Variants in A2M observed in about 807,000 individuals in gnomAD.
The protein encoded by A2M is C3 and PZP-like alpha-2-macroglobulin domain-containing protein 5.
Under a neutral mutation model 183.9 loss-of-function variants are expected in A2M, and 128 were observed. The ratio of observed to expected loss-of-function variants is 0.70; its 90% CI spans 0.60 to 0.81. The LOEUF (loss-of-function observed/expected upper bound fraction) is 0.81, where lower values mean the gene tolerates loss of function less well. Ranked by LOEUF, A2M falls within the 30% of genes least tolerant of loss-of-function variation. The pLI is 0.00. For missense variants in A2M, 1,495 were observed against 1,787.6 expected, an observed-to-expected ratio of 0.84 and a Z score of 2.95; for synonymous variants, 592 against 670.8, an observed-to-expected ratio of 0.88 and a Z score of 1.81.
At chr12:9,113,277 C>A in intron 2 of A2M, 83 bp downstream of exon 2, 2 of 1,477,756 alleles carry the variant, frequency 1.4e-6, no homozygotes, top group South Asian at 1.3e-5. Context: ...ACCAACCTCC[C>A]AAAGCCTCAT....
chr12:9,089,893 TTTAC>T lies in A2M; in HGVS notation c.2718+5_2718+8del. On this transcript the variant is annotated splice_donor_5th_base_variant and intron_variant, in intron 21 of 35. Coordinates refer to ENST00000318602, the MANE Select transcript of A2M (RefSeq NM_000014.6). ...TATTGTGGACTATATATTATTTAGG[TTTAC>T]TTACTTCAACCAACAGAGGCTTGAT... 1 of 1,604,212 alleles carries T rather than the reference TTTAC, an allele frequency of 6.2e-7. No individual in the cohort carries two copies. Among genetic ancestry groups the T allele is most frequent in the Non-Finnish European group, 8.5e-7 (1 of 1,173,172 alleles).
chr12:9,104,142 A>G (rs1938101941), intron 11 of A2M, 97 bp downstream of exon 11: 4 of 1,262,716 alleles, frequency 3.2e-6, no homozygotes, highest in Non-Finnish European at 4.3e-6. Flanking sequence ...TTTTCTCTCC[A>G]TAGAACTAGA....
At chr12:9,094,290 G>C (rs890206853) in intron 17 of A2M, among the ~76,000 whole-genome samples, 8 of 140,612 alleles carry the variant, frequency 5.7e-5, no homozygotes, top group African/African-American at 2.1e-4. Context: ...TTCTATTAAG[G>C]GTGTGCTGGT....
chr12:9,099,556 A>G lies in A2M; in HGVS notation c.1559-33T>C, dbSNP rs376689482. ...ACAAAGAGAATGAGAGGAAGCCATC[A>G]TAGGTTAATGACTATTTCCATTAGT... On this transcript the variant is annotated intron_variant, in intron 13 of 35. Coordinates refer to ENST00000318602, the MANE Select transcript of A2M (RefSeq NM_000014.6). 4 of 1,587,986 alleles carry G rather than the reference A, an allele frequency of 2.5e-6. No individual in the cohort carries two copies. In the East Asian group the frequency reaches 6.8e-5, roughly 27 times the overall value.
chr12:9,092,194 C>G (rs1053290857), intron 18 of A2M, among the ~76,000 whole-genome samples: 8 of 152,106 alleles, frequency 5.3e-5, no homozygotes, highest in African/African-American at 1.9e-4. Context: ...CTTCCCCTGG[C>G]TCGCCCCACG....
intron 27 of A2M, 81 bp from the exon 28 acceptor site, chr12:9,077,017 A>G (rs1948768347): frequency 1.4e-6 from 2 of 1,386,894 alleles, no homozygotes. Context: ...GGATCACAGC[A>G]CAGAAGTTTT....
chr12:9,115,691 A>C (rs1412633262), intron 1 of A2M, 73 bp downstream of exon 1: 2 of 1,126,930 alleles, frequency 1.8e-6, no homozygotes, highest in African/African-American at 1.6e-5. Flanking sequence ...AGAAAAAGGA[A>C]TGATATAAAG....
In A2M at chr12:9,107,511, G is replaced by C; in HGVS notation, c.879+13C>G. 1 of 1,613,502 alleles carries C rather than the reference G, an allele frequency of 6.2e-7. No individual in the cohort carries two copies. Among genetic ancestry groups the C allele is most frequent in the Non-Finnish European group, 8.5e-7 (1 of 1,179,640 alleles). Reference sequence around the variant, plus strand: ...TTATCGCTATTCTCTAGAAAAAATAGTGTTCAACCTACCTGTCCACTGAAT... The same window carrying C: ...TTATCGCTATTCTCTAGAAAAAATACTGTTCAACCTACCTGTCCACTGAAT... On this transcript the variant is annotated intron_variant, in intron 8 of 35. Coordinates refer to ENST00000318602, the MANE Select transcript of A2M (RefSeq NM_000014.6).
intron 29 of A2M, 34 bp downstream of exon 29, chr12:9,074,526 A>T: frequency 6.5e-7 from 1 of 1,548,690 alleles, no homozygotes; most frequent in Non-Finnish European, 8.8e-7. Flanking sequence ...TTGCTACCTG[A>T]AGGTGAAATA....
At chr12:9,108,099 G>GTTTATTTTAT (rs150597149) in intron 7 of A2M, among the ~76,000 whole-genome samples, 1,672 of 148,368 alleles carry the variant, frequency 0.011, 13 homozygotes, top group Middle Eastern at 0.017. Flanking sequence ...AGTTTCACTT[G>GTTTATTTTAT]TTTATTTTAT....
At chr12:9,113,244 T>G in intron 2 of A2M, 116 bp downstream of exon 2, 1 of 1,052,278 alleles carries the variant, frequency 9.5e-7, no homozygotes, top group South Asian at 1.8e-5. Context: ...TTTGCTACAT[T>G]TGGATTCCTT....
rs1419260165 is a variant in A2M at position 9,101,239 on chromosome 12, G to A, written c.1495-32C>T. Reference sequence around the variant, plus strand: ...AAAAGGAAATAAAAAGAAATTAAATGTGCCAGAGAGAACACGCTTCAGTCT... The same window carrying A: ...AAAAGGAAATAAAAAGAAATTAAATATGCCAGAGAGAACACGCTTCAGTCT... On this transcript the variant is annotated intron_variant, in intron 12 of 35. Transcript: ENST00000318602. 3.9e-6 allele frequency: 6 copies of A among 1,546,866 alleles called. No homozygotes were observed. The Admixed American group carries it at 5.9e-5, about 15-fold the overall frequency.
chr12:9,113,009 G>A (rs1278849699), intron 2 of A2M, among the ~76,000 whole-genome samples: 4 of 151,822 alleles, frequency 2.6e-5, no homozygotes, highest in Admixed American at 2.6e-4. Context: ...GGAGTGATGT[G>A]TTCCTGTCAG....
At chr12:9,102,506 G>A (rs1331994895) in intron 11 of A2M, among the ~76,000 whole-genome samples, 2 of 152,090 alleles carry the variant, frequency 1.3e-5, no homozygotes, top group East Asian at 1.9e-4. Context: ...GTGAGCTACC[G>A]TGCCTGGCCT....
At chr12:9,088,706 A>G (rs1949119925) in intron 22 of A2M, among the ~76,000 whole-genome samples, 1 of 152,182 alleles carries the variant, frequency 6.6e-6, no homozygotes, top group Admixed American at 6.5e-5. Context: ...CAAATGTTTG[A>G]TAGGGCATTA....
chr12:9,091,520 G>T, intron 18 of A2M, 91 bp from the exon 19 acceptor site: 1 of 1,347,864 alleles, frequency 7.4e-7, no homozygotes, highest in South Asian at 1.4e-5. Flanking sequence ...CTACTGCCAT[G>T]ACTTAAAAAC....
Position 9,080,082 on chromosome 12 carries a change from C to T in A2M, c.2854+12G>A. 6.4e-7 allele frequency: 1 copy of T among 1,566,390 alleles called. No individual in the cohort carries two copies. The highest frequency in any genetic ancestry group is 8.7e-7 in the Non-Finnish European group (1 of 1,152,370). ...TGTTAATGCCCGGATCCACTAGGGG[C>T]TGGAGACTCACCCAAAACTGAGACA... On this transcript the variant is annotated intron_variant, in intron 23 of 35. Transcript: ENST00000318602.
chr12:9,109,471 G>A, intron 6 of A2M, 66 bp from the exon 7 acceptor site: 1 of 1,266,280 alleles, frequency 7.9e-7, no homozygotes, highest in East Asian at 2.4e-5. Flanking sequence ...CTATTTTCAG[G>A]TTCCCTGTAA....
chr12:9,075,091 T>C (rs1385893060), intron 28 of A2M, among the ~76,000 whole-genome samples: 1 of 152,244 alleles, frequency 6.6e-6, no homozygotes, highest in Admixed American at 6.5e-5. Flanking sequence ...CTATTTATGA[T>C]GTTATATTAG....
Sources: gnomAD v4.1 joint callset for allele counts (sites outside exome capture counted in the v4.1 genomes callset) on GRCh38, gnomAD v4.1.1 for gene constraint, MANE v1.5 for transcripts, NCBI Gene and HGNC (gene_info 2026-07-23, HGNC 2026-07-21) for gene names.